Variants in MASP2 observed in about 807,000 individuals in gnomAD.
MASP2 encodes the protein mannan-binding lectin serine protease 2.
A neutral mutation model predicts 57.1 loss-of-function variants in MASP2; 49 were observed. The observed-to-expected ratio is 0.86, with a 90% CI of 0.68 to 1.09. The LOEUF (loss-of-function observed/expected upper bound fraction) is 1.09, where lower values mean the gene tolerates loss of function less well. Ranked by LOEUF, MASP2 falls within the 50% of genes least tolerant of loss-of-function variation. MASP2 has a pLI of 0.00. For synonymous variants in MASP2, 379 were observed against 340.8 expected, an observed-to-expected ratio of 1.11 and a Z score of -1.24; for missense variants, 900 against 874.8, an observed-to-expected ratio of 1.03 and a Z score of -0.36.
intron 4 of MASP2, chr1:11,044,763 CCGA>C: frequency 3.2e-6 from 4 of 1,244,714 alleles, no homozygotes; most frequent in Non-Finnish European, 4.3e-6. Flanking sequence ...CCGCCGCCTC[CCGA>C]CCCTCCCACC....
Position 11,030,162 on chromosome 1 carries a change from A to C in MASP2, c.1297+14T>G. ...CCATCAATTACCAGTCTCTTGTATAAATGTATCCATTACCAGGCTCACAGA... is the reference window on the plus strand; with the variant it reads ...CCATCAATTACCAGTCTCTTGTATACATGTATCCATTACCAGGCTCACAGA... On this transcript the variant is annotated intron_variant, in intron 10 of 10. Coordinates refer to ENST00000400897, the MANE Select transcript of MASP2 (RefSeq NM_006610.4). 2 of 1,594,714 alleles carry C rather than the reference A, an allele frequency of 1.3e-6. No homozygotes were observed. The highest frequency in any genetic ancestry group is 1.7e-6 in the Non-Finnish European group (2 of 1,163,428).
chr1:11,044,773 CA>C, intron 4 of MASP2: 11 of 1,378,496 alleles, frequency 8.0e-6, no homozygotes, highest in Middle Eastern at 2.8e-4. Context: ...CCGACCCTCC[CA>C]CCCCAGAGAC....
intron 8 of MASP2, among the ~76,000 whole-genome samples, chr1:11,032,417 G>A (rs906744554): frequency 1.3e-5 from 2 of 152,082 alleles, no homozygotes; most frequent in African/African-American, 2.4e-5. Flanking sequence ...TTGGAGACAA[G>A]CCTGGGCAAC....
intron 9 of MASP2, 194 bp from the exon 10 acceptor site, chr1:11,030,444 T>G: frequency 3.4e-6 from 2 of 589,342 alleles, no homozygotes; most frequent in Middle Eastern, 4.1e-4. Flanking sequence ...GGAAACCTTT[T>G]AGATGTGTAA....
chr1:11,042,186 C>T (rs1016717361), intron 6 of MASP2, among the ~76,000 whole-genome samples: 1 of 83,440 alleles, frequency 1.2e-5, no homozygotes, highest in African/African-American at 4.8e-5. Flanking sequence ...ACAGACAGGA[C>T]GATGGGTGTA....
chr1:11,046,300 G>T, intron 3 of MASP2: 5 of 545,674 alleles, frequency 9.2e-6, no homozygotes, highest in South Asian at 8.0e-5. Flanking sequence ...GGCGTGAGCT[G>T]CTGCGCCCGG....
At position 11,034,558 on chromosome 1, in the gene MASP2, C is replaced by T. The variant is rs867640622; in HGVS notation, c.1087+270G>A. On this transcript the variant is annotated intron_variant, in intron 8 of 10. Transcript: ENST00000400897. ...ACAAATAATACAAAAATTAGCCAGG[C>T]GTGGTGTCAGGTGCCTGTGGTCCCA... Among the ~76,000 whole-genome samples, 5 of 151,656 alleles carry T rather than the reference C, an allele frequency of 3.3e-5. No individual in the cohort carries two copies. The East Asian group carries it at 5.8e-4, about 18-fold the overall frequency.
At chr1:11,046,388 G>A (rs1638638125) in intron 3 of MASP2, 168 bp downstream of exon 3, 1 of 718,454 alleles carries the variant, frequency 1.4e-6, no homozygotes, top group East Asian at 2.7e-5. Context: ...TGTGAATGGA[G>A]GTCACGGCTG....
At position 11,031,114 on chromosome 1, in the gene MASP2, CTAAA is replaced by C. The variant is rs747810410; in HGVS notation, c.1088-236_1088-233del. ...CTTGAGAGGCTGAGGTGGGAGGTAACTAAATGGCTGAACTGAGGGGGAGTCGTCC... is the reference window on the plus strand; with the variant it reads ...CTTGAGAGGCTGAGGTGGGAGGTAACTGGCTGAACTGAGGGGGAGTCGTCC... On this transcript the variant is annotated intron_variant, in intron 8 of 10. Transcript: ENST00000400897. 9.9e-5 allele frequency among the ~76,000 whole-genome samples: 15 copies of C among 152,098 alleles called. No individual in the cohort carries two copies. The South Asian group carries it at 2.9e-3, about 29-fold the overall frequency.
In MASP2 at chr1:11,030,844, G is replaced by T. The variant is rs368813258; in HGVS notation, c.1126C>A (p.Arg376=). Residue 376 remains arginine, a synonymous_variant, in exon 9 of 11, where the codon CGA becomes AGA. Coordinates refer to ENST00000400897, the MANE Select transcript of MASP2 (RefSeq NM_006610.4). Reference sequence around the variant, plus strand: ...CCAGGACCTGTGATGTACTCCACTCGGCCACTGGGTAGATCATCAGGAGGG... The same window carrying T: ...CCAGGACCTGTGATGTACTCCACTCTGCCACTGGGTAGATCATCAGGAGGG... ...CGPPDDLPSG[R]VEYITGPGVT... is the part of the protein sequence containing the mutation. 3 of 1,613,798 alleles carry T rather than the reference G, an allele frequency of 1.9e-6. No homozygotes were observed. The highest frequency in any genetic ancestry group is 2.5e-6 in the Non-Finnish European group (3 of 1,179,878).
intron 10 of MASP2, among the ~76,000 whole-genome samples, chr1:11,029,454 TA>T (rs749524864): frequency 2.0e-4 from 29 of 147,324 alleles, no homozygotes; most frequent in South Asian, 8.6e-4. Context: ...CAATTCTGGT[TA>T]AAAAAAAAAG....
At chr1:11,038,493 C>T (rs889670561) in intron 6 of MASP2, among the ~76,000 whole-genome samples, 3 of 152,186 alleles carry the variant, frequency 2.0e-5, no homozygotes, top group Admixed American at 6.5e-5. Flanking sequence ...ACTCTGGCCC[C>T]CAAACCCTGG....
At chr1:11,046,807 T>A in intron 2 of MASP2, 74 bp from the exon 3 acceptor site, 1 of 1,553,192 alleles carries the variant, frequency 6.4e-7, no homozygotes, top group Admixed American at 1.9e-5. Context: ...GCCTGGCCCC[T>A]GCTCCCAGGT....
intron 5 of MASP2, 113 bp from the exon 6 acceptor site, chr1:11,043,135 G>C (rs1306844875): frequency 8.1e-7 from 1 of 1,227,496 alleles, no homozygotes; most frequent in African/African-American, 1.5e-5. Context: ...GCCAACCCAG[G>C]CCATGGATTG....
chr1:11,029,297 G>A (rs1643799828), intron 10 of MASP2, among the ~76,000 whole-genome samples: 1 of 150,212 alleles, frequency 6.7e-6, no homozygotes, highest in Non-Finnish European at 1.5e-5. Flanking sequence ...ACCATGCCTG[G>A]CCCTGATTTG....
chr1:11,047,024 C>T lies in MASP2; in HGVS notation c.101G>A (p.Gly34Asp). The T allele has an allele frequency of 6.4e-7, 1 of 1,551,868 alleles. No homozygotes were observed. Among genetic ancestry groups the T allele is most frequent in the Non-Finnish European group, 8.7e-7 (1 of 1,147,462 alleles). Residue 34 changes from glycine (G) to aspartate (D), a missense_variant, in exon 2 of 11, where the codon GGC (glycine) becomes GAC (aspartate). Gly to Asp is a moderately conservative substitution (Grantham distance 94). Transcript: ENST00000400897. Reference sequence around the variant, plus strand: ...GTCATTGGCATACTCCCCTGGAAAGCCGGGGGATGCCAGGCGCCCGAACAC... The same window carrying T: ...GTCATTGGCATACTCCCCTGGAAAGTCGGGGGATGCCAGGCGCCCGAACAC... ...EPVFGRLASP[G>D]FPGEYANDQE... is the part of the protein sequence containing the mutation.
In MASP2 at chr1:11,026,679, T is replaced by TCGCC; in HGVS notation, c.*205_*206insGGCG. The TCGCC allele has an allele frequency of 2.5e-6, 1 of 398,762 alleles. No individual in the cohort carries two copies. The allele number at this position is 398,762 out of a possible 1,614,324, so 24.7% of individuals were successfully genotyped here. ...GCAAAGATGACTGTCACTCTCGTGG[T>TCGCC]TTATGTCCCCTTGAGTCAATGGGTA... is the stretch of plus-strand genomic sequence containing the variant. On this transcript the variant is annotated 3_prime_UTR_variant, in exon 11 of 11. Transcript: ENST00000400897.
chr1:11,034,775 A>T (rs1366259227), intron 8 of MASP2, 53 bp downstream of exon 8: 36 of 1,160,054 alleles, frequency 3.1e-5, no homozygotes, highest in Non-Finnish European at 4.1e-5. Flanking sequence ...CAACAGTAGC[A>T]GCAGAGGGAG....
At chr1:11,035,535 A>ATCG (rs1467423190) in intron 7 of MASP2, among the ~76,000 whole-genome samples, 1 of 150,856 alleles carries the variant, frequency 6.6e-6, no homozygotes, top group African/African-American at 2.4e-5. Flanking sequence ...TCAAATCATC[A>ATCG]TCATCATCAT....
Sources: gnomAD v4.1 joint callset for allele counts (sites outside exome capture counted in the v4.1 genomes callset) on GRCh38, gnomAD v4.1.1 for gene constraint, MANE v1.5 for transcripts, NCBI Gene and HGNC (gene_info 2026-07-23, HGNC 2026-07-21) for gene names.